TECPR2: variants seen among roughly 807,000 people sequenced by gnomAD.
The protein encoded by TECPR2 is tectonin beta-propeller repeat containing 2, also known as tectonin beta-propeller repeat-containing protein 2.
Under a neutral mutation model 138.1 loss-of-function variants are expected in TECPR2, and 65 were observed. The observed-to-expected ratio is 0.47, with a 90% confidence interval of 0.39 to 0.58. The LOEUF (loss-of-function observed/expected upper bound fraction) is 0.58. TECPR2 is among the 20% of genes least tolerant of loss of function. The pLI is 0.00. For synonymous variants in TECPR2, 746 were observed against 749.8 expected, an observed-to-expected ratio of 0.99 and a Z score of 0.08; for missense variants, 1,553 against 1,824.5, an observed-to-expected ratio of 0.85 and a Z score of 2.71.
At chr14:102,448,022 G>T (rs1446316064) in intron 13 of TECPR2, among the ~76,000 whole-genome samples, 1 of 152,120 alleles carries the variant, frequency 6.6e-6, no homozygotes, top group Non-Finnish European at 1.5e-5. Flanking sequence ...ATATACAGAT[G>T]TATCTAATTT....
chr14:102,374,625 G>A (rs1887595815), intron 1 of TECPR2, among the ~76,000 whole-genome samples: 1 of 152,128 alleles, frequency 6.6e-6, no homozygotes, highest in African/African-American at 2.4e-5. Flanking sequence ...TGTTTTAAAA[G>A]CGTGATCTTC....
rs1314928121 is a variant in TECPR2 at position 102,420,344 on chromosome 14, A to C, written c.639-4635A>C. 6.6e-6 allele frequency among the ~76,000 whole-genome samples: 1 copy of C among 152,242 alleles called. No individual in the cohort carries two copies. Among genetic ancestry groups the C allele is most frequent in the East Asian group, 1.9e-4 (1 of 5,200 alleles). On this transcript the variant is annotated intron_variant, in intron 5 of 19. Coordinates refer to ENST00000359520, the MANE Select transcript of TECPR2 (RefSeq NM_014844.5). The surrounding 1 kb of genome is among the most constrained non-coding windows in gnomAD (Gnocchi z 4.1). ...TTCAGTGTCAAATTCAGAAAGCACCAGCAAGTACTGCAGAATCGCACTGCA... is the reference window on the plus strand; with the variant it reads ...TTCAGTGTCAAATTCAGAAAGCACCCGCAAGTACTGCAGAATCGCACTGCA...
At chr14:102,439,938 C>G (rs191610234) in intron 10 of TECPR2, among the ~76,000 whole-genome samples, 64 of 152,370 alleles carry the variant, frequency 4.2e-4, no homozygotes, top group Admixed American at 7.2e-4. Context: ...CAAGTGTGTT[C>G]CTTCTGTGCA....
chr14:102,496,997 G>C lies in TECPR2; in HGVS notation c.3808G>C (p.Val1270Leu). Residue 1270 changes from valine to leucine, a missense_variant, in exon 18 of 20, where the codon GTC becomes CTC. Coordinates refer to ENST00000359520, the MANE Select transcript of TECPR2 (RefSeq NM_014844.5). ...CTTCCAGCCCGCCGGGGTCAGCTTG[G>C]TCAGCGTCCATTCCAGCCCCAACGA... ...PPVQPAGVSL[V>L]SVHSSPNDQM... The C allele has an allele frequency of 6.2e-7, 1 of 1,613,924 alleles. No homozygotes were observed. The highest frequency in any genetic ancestry group is 1.1e-5 in the South Asian group (1 of 91,080).
At chr14:102,380,754 C>T (rs1887784675) in intron 2 of TECPR2, among the ~76,000 whole-genome samples, 1 of 152,248 alleles carries the variant, frequency 6.6e-6, no homozygotes, top group African/African-American at 2.4e-5. Flanking sequence ...TCTCGGCTCA[C>T]TGCAACCTCC....
rs549396663 is a variant in TECPR2, at chr14:102,466,639, C to T, written c.3789+1350C>T. Among the ~76,000 whole-genome samples the T allele has an allele frequency of 7.2e-5, 11 of 152,254 alleles. No individual in the cohort carries two copies. The East Asian group carries it at 2.1e-3, about 29-fold the overall frequency. On this transcript the variant is annotated intron_variant, in intron 17 of 19. Coordinates refer to ENST00000359520, the MANE Select transcript of TECPR2 (RefSeq NM_014844.5). ...AATACGTTCCTTTTTTTCCTTCTAA[C>T]AACTTTATATTTTTCCTTTTAAGTT... is the stretch of plus-strand genomic sequence containing the variant.
chr14:102,499,135 A>G lies in TECPR2; in HGVS notation c.*878A>G. 1.4e-6 allele frequency: 1 copy of G among 702,994 alleles called. No individual in the cohort carries two copies. Among genetic ancestry groups the G allele is most frequent in the Non-Finnish European group, 2.6e-6 (1 of 384,990 alleles). The allele number at this position is 702,994 out of a possible 1,614,324, so 43.5% of individuals were successfully genotyped here. On this transcript the variant is annotated 3_prime_UTR_variant, in exon 20 of 20. Coordinates refer to ENST00000359520, the MANE Select transcript of TECPR2 (RefSeq NM_014844.5). ...AAACAGTAAAGCCTGATGGGTGCAAATGGAACCTGGATGTGTGCACGTGTG... is the reference window on the plus strand; with the variant it reads ...AAACAGTAAAGCCTGATGGGTGCAAGTGGAACCTGGATGTGTGCACGTGTG...
intron 19 of TECPR2, 66 bp downstream of exon 19, chr14:102,497,785 G>T: frequency 3.4e-6 from 5 of 1,484,654 alleles, no homozygotes; most frequent in Non-Finnish European, 4.5e-6. Flanking sequence ...GGACGATGTC[G>T]GGGGGCTCTC....
In TECPR2 at chr14:102,434,636, G is replaced by A; in HGVS notation, c.1819G>A (p.Gly607Arg). 1 of 1,595,688 alleles carries A rather than the reference G, an allele frequency of 6.3e-7. No individual in the cohort carries two copies. Among genetic ancestry groups the A allele is most frequent in the African/African-American group, 1.3e-5 (1 of 74,728 alleles). Reference sequence around the variant, plus strand: ...AGATGAGCCGTGTCCTGCAGATGATGGACCAAATAGCACACAGTTACCCTT... The same window carrying A: ...AGATGAGCCGTGTCCTGCAGATGATAGACCAAATAGCACACAGTTACCCTT... Reference protein sequence around the residue: ...LGDEPCPADDGPNSTQLPFQE... With the variant: ...LGDEPCPADDRPNSTQLPFQE... The change falls in exon 9 of 20, where the codon GGA (glycine) becomes AGA (arginine). Residue 607 changes from glycine (G) to arginine (R), a missense_variant. By Grantham distance (125) the Gly-to-Arg change is moderately radical (BLOSUM62 -2). Coordinates refer to ENST00000359520, the MANE Select transcript of TECPR2 (RefSeq NM_014844.5).
At chr14:102,411,623 C>T (rs1888867609) in intron 4 of TECPR2, among the ~76,000 whole-genome samples, 1 of 147,928 alleles carries the variant, frequency 6.8e-6, no homozygotes, top group African/African-American at 2.5e-5. Context: ...AACGGCCCCA[C>T]CCCTATCTCC....
intron 15 of TECPR2, 74 bp from the exon 16 acceptor site, chr14:102,452,320 G>A: frequency 6.8e-7 from 1 of 1,465,832 alleles, no homozygotes; most frequent in Non-Finnish European, 9.3e-7. Context: ...AAAGGCAAAG[G>A]CTGCCTTGTG....
chr14:102,396,427 ATTCATACTT>A (rs2091541215), intron 2 of TECPR2, among the ~76,000 whole-genome samples: 1 of 152,158 alleles, frequency 6.6e-6, no homozygotes, highest in Non-Finnish European at 1.5e-5. Context: ...AGCTCAGCAT[ATTCATACTT>A]GATTGATCAG....
intron 12 of TECPR2, among the ~76,000 whole-genome samples, chr14:102,444,959 C>CA (rs1052382873): frequency 1.3e-5 from 2 of 151,846 alleles, no homozygotes. Context: ...AACAGACAGA[C>CA]AAAAAAAAGC....
chr14:102,440,688 CT>C, intron 11 of TECPR2, 79 bp downstream of exon 11: 1 of 1,499,018 alleles, frequency 6.7e-7, no homozygotes, highest in Non-Finnish European at 9.0e-7. Flanking sequence ...TAGTAACATG[CT>C]TACCACAATC....
intron 19 of TECPR2, 76 bp downstream of exon 19, chr14:102,497,795 CAAAG>C (rs1891329710): frequency 4.1e-6 from 6 of 1,459,474 alleles, no homozygotes; most frequent in Middle Eastern, 1.8e-4. Context: ...GGGGGGCTCT[CAAAG>C]AAGCCGACCC....
chr14:102,442,988 C>A (rs751677914), intron 11 of TECPR2, among the ~76,000 whole-genome samples: 2 of 152,248 alleles, frequency 1.3e-5, no homozygotes, highest in African/African-American at 2.4e-5. Context: ...TGCAGTTTGA[C>A]AGACCTCAGA....
chr14:102,467,771 G>C (rs964885391), intron 17 of TECPR2, among the ~76,000 whole-genome samples: 4 of 151,866 alleles, frequency 2.6e-5, no homozygotes, highest in African/African-American at 9.7e-5. Context: ...TAATGATATT[G>C]AACATCCCTC....
At chr14:102,393,438 TTAAA>T (rs575426919) in intron 2 of TECPR2, among the ~76,000 whole-genome samples, 25 of 152,216 alleles carry the variant, frequency 1.6e-4, no homozygotes, top group Non-Finnish European at 3.5e-4. Flanking sequence ...AATAATCATA[TTAAA>T]TAACATTAAC....
At position 102,424,586 on chromosome 14, in the gene TECPR2, G is replaced by T. The variant is rs114838493; in HGVS notation, c.639-393G>T. Among the ~76,000 whole-genome samples the T allele has an allele frequency of 2.9e-3, 435 of 152,274 alleles. 4 individuals carry two copies. The highest frequency in any genetic ancestry group is 0.01 in the African/African-American group (422 of 41,542). On this transcript the variant is annotated intron_variant, in intron 5 of 19. Transcript: ENST00000359520. ...TTGACCTCAGATGATCTGCCGTCTT[G>T]GCCTCCCAAAGTGCTGAGATTGCAG...
Sources: allele counts gnomAD v4.1 joint callset (sites outside exome capture counted in the v4.1 genomes callset), GRCh38; gene constraint gnomAD v4.1.1; non-coding constraint Gnocchi (gnomAD v3.1); transcripts MANE v1.5; gene names NCBI Gene and HGNC (gene_info 2026-07-23, HGNC 2026-07-21).